SGCG: variants seen among roughly 807,000 people sequenced by gnomAD.
SGCG encodes gamma-sarcoglycan.
In SGCG, 26 loss-of-function variants were observed where a neutral mutation model predicts 29.3. The ratio of observed to expected loss-of-function variants is 0.89; its 90% CI spans 0.65 to 1.23. The LOEUF (loss-of-function observed/expected upper bound fraction) is 1.23, where lower values mean the gene tolerates loss of function less well. Ranked by LOEUF, SGCG falls within the 50% of genes most tolerant of loss-of-function variation. SGCG has a pLI of 0.00. For missense variants in SGCG, 353 were observed against 356.0 expected (o/e 0.99, Z 0.07); for synonymous variants, 145 against 129.7 (o/e 1.12, Z -0.80).
At chr13:23,264,164 C>A (rs750222060) in intron 4 of SGCG, among the ~76,000 whole-genome samples, 1 of 151,906 alleles carries the variant, frequency 6.6e-6, no homozygotes, top group Non-Finnish European at 1.5e-5. Flanking sequence ...ATGATGCGAT[C>A]TTATAGCTAG....
At chr13:23,193,907 A>G (rs1194652248) in intron 1 of SGCG, among the ~76,000 whole-genome samples, 1 of 152,190 alleles carries the variant, frequency 6.6e-6, no homozygotes, top group Admixed American at 6.5e-5. Flanking sequence ...AGAGAAGATT[A>G]TGAAAGGGCC....
chr13:23,224,902 C>G (rs1294770664), intron 2 of SGCG, among the ~76,000 whole-genome samples: 1 of 152,008 alleles, frequency 6.6e-6, no homozygotes, highest in Non-Finnish European at 1.5e-5. Flanking sequence ...TCTTACAGCT[C>G]TCCAGGTGCT....
chr13:23,291,722 A>T (rs1881712135), intron 5 of SGCG, among the ~76,000 whole-genome samples: 2 of 152,362 alleles, frequency 1.3e-5, no homozygotes. Flanking sequence ...TTAGAAGGTA[A>T]GTAATTGGCA....
intron 2 of SGCG, among the ~76,000 whole-genome samples, chr13:23,219,529 G>A (rs1878573242): frequency 6.6e-6 from 1 of 152,090 alleles, no homozygotes; most frequent in Admixed American, 6.6e-5. Flanking sequence ...CTCTAGAAGA[G>A]GAGGATATTT....
intron 4 of SGCG, among the ~76,000 whole-genome samples, chr13:23,251,595 C>A (rs58602193): frequency 0.17 from 26,119 of 151,940 alleles, 2,741 homozygotes; most frequent in East Asian, 0.58. Context: ...TCAGCCTGGG[C>A]AACATCTCTA....
chr13:23,201,260 G>T (rs193191484), intron 1 of SGCG, among the ~76,000 whole-genome samples: 3 of 152,156 alleles, frequency 2.0e-5, no homozygotes, highest in African/African-American at 7.2e-5. Flanking sequence ...AGTTTTCTCA[G>T]TGTTATGTAA....
chr13:23,234,846 A>G, intron 3 of SGCG, 134 bp downstream of exon 3: 1 of 665,962 alleles, frequency 1.5e-6, no homozygotes, highest in African/African-American at 1.8e-5. Context: ...GCTCTTTATA[A>G]AAAGCTTGAC....
At chr13:23,253,138 T>C (rs930289902) in intron 4 of SGCG, among the ~76,000 whole-genome samples, 4 of 152,128 alleles carry the variant, frequency 2.6e-5, no homozygotes, top group African/African-American at 9.7e-5. Context: ...TCCCAGCACT[T>C]TGGGAGGCTG....
At position 23,247,779 on chromosome 13, in the gene SGCG, C is replaced by T. The variant is rs12872150; in HGVS notation, c.298-2851C>T. On this transcript the variant is annotated intron_variant, in intron 3 of 7. Transcript: ENST00000218867. ...TGGGCAACATAGTTAAAACTCATCT[C>T]TATTTAAAAAAAAAAAAAAAAATCA... Among the ~76,000 whole-genome samples, 127 of 103,760 alleles carry T rather than the reference C, an allele frequency of 1.2e-3. 4 individuals are homozygous for T. The highest frequency in any genetic ancestry group is 6.6e-4 in the Non-Finnish European group (33 of 49,712). 68.1% of individuals were successfully genotyped at this position (103,760 alleles called of 152,430 possible).
At chr13:23,233,398 G>A (rs2137543373) in intron 2 of SGCG, among the ~76,000 whole-genome samples, 1 of 152,232 alleles carries the variant, frequency 6.6e-6, no homozygotes, top group South Asian at 2.1e-4. Flanking sequence ...TATAAGATTT[G>A]ACCTTATAGC....
intron 3 of SGCG, among the ~76,000 whole-genome samples, chr13:23,248,697 A>C (rs1031931300): frequency 2.7e-5 from 4 of 147,682 alleles, no homozygotes; most frequent in African/African-American, 1.0e-4. Flanking sequence ...CCGTCTCAAA[A>C]AGAAAAAAAA....
the SGCG span, among the ~76,000 whole-genome samples, chr13:23,169,463 G>A: frequency 3.3e-3 from 506 of 151,598 alleles, 6 homozygotes; most frequent in South Asian, 0.022. Flanking sequence ...GGTGGATCAC[G>A]AGGTCAAGAG....
intron 5 of SGCG, among the ~76,000 whole-genome samples, chr13:23,286,960 C>CTGT (rs1555244272): frequency 1.3e-5 from 2 of 152,270 alleles, no homozygotes; most frequent in East Asian, 3.9e-4. Flanking sequence ...GAAAGTAAAA[C>CTGT]TGTGATAAGG....
chr13:23,230,826 A>G (rs1427074926), intron 2 of SGCG, among the ~76,000 whole-genome samples: 1 of 152,142 alleles, frequency 6.6e-6, no homozygotes, highest in African/African-American at 2.4e-5. Flanking sequence ...ACTGTGTTGA[A>G]TAGGAGTGGT....
chr13:23,203,054 G>T (rs1877827100), intron 1 of SGCG, among the ~76,000 whole-genome samples: 1 of 152,020 alleles, frequency 6.6e-6, no homozygotes, highest in Non-Finnish European at 1.5e-5. Flanking sequence ...CCATCTACTG[G>T]GTTCAAGCGA....
chr13:23,177,095 T>G (rs996371242), upstream of SGCG, among the ~76,000 whole-genome samples: 2 of 152,096 alleles, frequency 1.3e-5, no homozygotes, highest in Non-Finnish European at 2.9e-5. Context: ...CTGAAGGACA[T>G]CATGTTAAGT....
At chr13:23,198,868 G>T (rs1439830383) in intron 1 of SGCG, among the ~76,000 whole-genome samples, 4 of 143,278 alleles carry the variant, frequency 2.8e-5, no homozygotes, top group African/African-American at 1.0e-4. Flanking sequence ...AAAAAATTTG[G>T]GAGGCCGAGG....
chr13:23,208,420 G>A (rs531418666), intron 2 of SGCG, among the ~76,000 whole-genome samples: 5 of 152,136 alleles, frequency 3.3e-5, no homozygotes, highest in South Asian at 4.1e-4. Context: ...AACATTAGAC[G>A]AGAAAGCCAG....
chr13:23,230,472 G>A (rs116769311), intron 2 of SGCG, among the ~76,000 whole-genome samples: 3,152 of 152,196 alleles, frequency 0.021, 96 homozygotes, highest in African/African-American at 0.072. Context: ...GCAGTGTTTC[G>A]TAATTCTCAT....
Sources: gnomAD v4.1 joint callset for allele counts (sites outside exome capture counted in the v4.1 genomes callset) on GRCh38, gnomAD v4.1.1 for gene constraint, MANE v1.5 for transcripts, NCBI Gene and HGNC (gene_info 2026-07-23, HGNC 2026-07-21) for gene names.